Variants in PYGM observed in about 807,000 individuals in gnomAD.
PYGM encodes glycogen phosphorylase, muscle form.
In PYGM, 81 loss-of-function variants were observed where a neutral mutation model predicts 99.3. That is an observed-to-expected ratio of 0.82 (90% CI 0.68 to 0.98). The LOEUF is 0.98. Ranked by LOEUF, PYGM falls within the 50% of genes least tolerant of loss-of-function variation. The probability of loss-of-function intolerance (pLI) is 0.00; values close to 1 mark genes in which losing one functional copy is unlikely to be tolerated. For synonymous variants in PYGM, 436 were observed against 451.5 expected, an observed-to-expected ratio of 0.97 and a Z score of 0.44; for missense variants, 1,030 against 1,158.1, an observed-to-expected ratio of 0.89 and a Z score of 1.61.
Position 64,754,889 on chromosome 11 carries a change from G to C in PYGM, c.856-53C>G. The C allele has an allele frequency of 6.2e-7, 1 of 1,605,752 alleles. No homozygotes were observed. The highest frequency in any genetic ancestry group is 8.5e-7 in the Non-Finnish European group (1 of 1,177,514). ...CAGGGCGGTGGGGGCATGGCCTAAA[G>C]CTGCGGTGGGTGTGGCCAGGAGGGA... On this transcript the variant is annotated intron_variant, in intron 7 of 19. Coordinates refer to ENST00000164139, the MANE Select transcript of PYGM (RefSeq NM_005609.4). The surrounding 1 kb of genome is among the most constrained non-coding windows in gnomAD (Gnocchi z 5.5).
chr11:64,753,393 C>A, intron 11 of PYGM, 126 bp downstream of exon 11: 2 of 1,370,912 alleles, frequency 1.5e-6, no homozygotes, highest in Non-Finnish European at 2.0e-6. Context: ...AAGAATGACG[C>A]CACCTGTGAA....
At position 64,758,717 on chromosome 11, in the gene PYGM, A is replaced by G. The variant is rs1006315445; in HGVS notation, c.244-13T>C. 5 of 1,580,926 alleles carry G rather than the reference A, an allele frequency of 3.2e-6. No individual in the cohort carries two copies. The African/African-American group carries it at 4.1e-5, about 13-fold the overall frequency. On this transcript the variant is annotated splice_polypyrimidine_tract_variant and intron_variant, in intron 1 of 19. Coordinates refer to ENST00000164139, the MANE Select transcript of PYGM (RefSeq NM_005609.4). ...GGTAGTAGATCCTCTGCCCAGAGAG[A>G]CGGATGGGCAGGGAATGGGGTCAGG...
chr11:64,754,204 A>T lies in PYGM; in HGVS notation c.1092+49T>A, dbSNP rs766719968. On this transcript the variant is annotated intron_variant, in intron 9 of 19. Coordinates refer to ENST00000164139, the MANE Select transcript of PYGM (RefSeq NM_005609.4). This position sits in a 1 kb window ranked among gnomAD's most constrained non-coding sequence, Gnocchi z 5.5. Reference sequence around the variant, plus strand: ...CCCACGCTCCCAAACTGGGAAGGGAACCCCGAGGCAGAGAGCATCAGATGG... The same window carrying T: ...CCCACGCTCCCAAACTGGGAAGGGATCCCCGAGGCAGAGAGCATCAGATGG... 6.3e-7 allele frequency: 1 copy of T among 1,586,228 alleles called. No homozygotes were observed. Among genetic ancestry groups the T allele is most frequent in the African/African-American group, 1.3e-5 (1 of 74,136 alleles).
upstream of PYGM, among the ~76,000 whole-genome samples, chr11:64,760,706 G>A (rs900488074): frequency 6.6e-6 from 1 of 152,236 alleles, no homozygotes; most frequent in Non-Finnish European, 1.5e-5. Context: ...CTGGTTTAAT[G>A]ACAGTAAGTT....
chr11:64,753,743 C>A, intron 10 of PYGM, 61 bp from the exon 11 acceptor site: 1 of 1,546,280 alleles, frequency 6.5e-7, no homozygotes. Context: ...CAGTCCCCAG[C>A]CCCACACCCC....
At chr11:64,758,985 A>C (rs2058414707) in intron 1 of PYGM, among the ~76,000 whole-genome samples, 1 of 152,248 alleles carries the variant, frequency 6.6e-6, no homozygotes, top group African/African-American at 2.4e-5. Context: ...TACTCGGGAG[A>C]ATGGGCACCC....
In PYGM at chr11:64,758,328, G is replaced by T; in HGVS notation, c.446C>A (p.Ala149Glu). Residue 149 changes from alanine (A) to glutamate (E), a missense_variant, in exon 4 of 20, where the codon GCA becomes GAA. Coordinates refer to ENST00000164139, the MANE Select transcript of PYGM (RefSeq NM_005609.4). Reference sequence around the variant, plus strand: ...GCCATAGGCGGCCAGGCCCAGTGTTGCCATGGAGTCAAGAAAGCAGGCTGG... The same window carrying T: ...GCCATAGGCGGCCAGGCCCAGTGTTTCCATGGAGTCAAGAAAGCAGGCTGG... ...RLAACFLDSM[A>E]TLGLAAYGYG... The T allele has an allele frequency of 6.2e-7, 1 of 1,613,962 alleles. No individual in the cohort carries two copies.
rs149597150 is a variant in PYGM at position 64,757,863 on chromosome 11, C to A, written c.576G>T (p.Lys192Asn). 31 of 1,614,078 alleles carry A rather than the reference C, an allele frequency of 1.9e-5. No homozygotes were observed. Among genetic ancestry groups the A allele is most frequent in the Non-Finnish European group, 2.5e-5 (30 of 1,180,052 alleles). The change falls in exon 5 of 20, where the codon AAG (lysine) becomes AAT (asparagine). Residue 192 changes from lysine (K) to asparagine (N), a missense_variant. Coordinates refer to ENST00000164139, the MANE Select transcript of PYGM (RefSeq NM_005609.4). ...DWLRYGNPWE[K>N]ARPEFTLPVH... ...CAGGTAGCGTGAACTCGGGCCGGGC[C>A]TTCTCCCAGGGGTTGCCGTAGCGAA...
Position 64,752,020 on chromosome 11 carries a change from T to C in PYGM, c.1672A>G (p.Ile558Val), listed in dbSNP as rs1204741662. Residue 558 changes from isoleucine (I) to valine (V), a missense_variant, in exon 14 of 20, where the codon ATC becomes GTC. Physicochemically the swap from Ile to Val is conservative, Grantham distance 29. Transcript: ENST00000164139. Reference sequence around the variant, plus strand: ...ATGTCGAAGAGTGAGTTGGGGTTGATGTGGACTTTGTATTCCCTCTCTAGG... The same window carrying C: ...ATGTCGAAGAGTGAGTTGGGGTTGACGTGGACTTTGTATTCCCTCTCTAGG... Reference protein sequence around the residue: ...AYLEREYKVHINPNSLFDIQV... With the variant: ...AYLEREYKVHVNPNSLFDIQV... 27 of 1,614,056 alleles carry C rather than the reference T, an allele frequency of 1.7e-5. No individual in the cohort carries two copies. Among genetic ancestry groups the C allele is most frequent in the Non-Finnish European group, 2.3e-5 (27 of 1,180,036 alleles).
At position 64,746,673 on chromosome 11, in the gene PYGM, C is replaced by G. The variant is rs147307168; in HGVS notation, c.2515G>C (p.Asp839His). 6.2e-7 allele frequency: 1 copy of G among 1,614,054 alleles called. No homozygotes were observed. Among genetic ancestry groups the G allele is most frequent in the South Asian group, 1.1e-5 (1 of 91,092 alleles). The change falls in exon 20 of 20, where the codon GAT becomes CAT. Residue 839 changes from aspartate to histidine, a missense_variant. Transcript: ENST00000164139. ...GGTCTGGAGGCTCAGATGGCCTCAT[C>G]CGGGGCTGGCAGGCGCTGGCGGGAA... ...EPSRQRLPAP[D>H]EAI
intron 13 of PYGM, 62 bp from the exon 14 acceptor site, chr11:64,752,133 C>T: frequency 6.2e-7 from 1 of 1,609,712 alleles, no homozygotes; most frequent in Non-Finnish European, 8.5e-7. Context: ...TCCTACAGTC[C>T]ACACTCCAGT....
Position 64,755,508 on chromosome 11 carries a change from A to G in PYGM, c.711T>C (p.Asn237=), listed in dbSNP as rs760476322. 3 of 1,614,082 alleles carry G rather than the reference A, an allele frequency of 1.9e-6. No individual in the cohort carries two copies. The South Asian group carries it at 3.3e-5, about 18-fold the overall frequency. The change falls in exon 6 of 20, where the codon AAT becomes AAC. Residue 237 remains asparagine, a synonymous_variant. Transcript: ENST00000164139. The surrounding 1 kb of genome is among the most constrained non-coding windows in gnomAD (Gnocchi z 4.1). The part of the protein sequence containing the change: ...YDTPVPGYRN[N]VVNTMRLWSA... ...ACCAGAGGCGCATGGTGTTGACAAC[A>G]TTGTTGCGATAGCCAGGCACGGGCG...
In PYGM at chr11:64,759,389, C is replaced by T. The variant is rs564489641; in HGVS notation, c.243+267G>A. On this transcript the variant is annotated intron_variant, in intron 1 of 19. Coordinates refer to ENST00000164139, the MANE Select transcript of PYGM (RefSeq NM_005609.4). ...CACCTGGGCCCAGCCAGGCCACAGG[C>T]GCCGTCCTGCCCACCAGCACCCACT... 3.2e-4 allele frequency among the ~76,000 whole-genome samples: 49 copies of T among 152,292 alleles called. No homozygotes were observed. The South Asian group carries it at 3.3e-3, about 10-fold the overall frequency.
In PYGM at chr11:64,750,478, G is replaced by A; in HGVS notation, c.2075C>T (p.Thr692Ile). 6.2e-7 allele frequency: 1 copy of A among 1,614,192 alleles called. No individual in the cohort carries two copies. Among genetic ancestry groups the A allele is most frequent in the South Asian group, 1.1e-5 (1 of 91,078 alleles). The change falls in exon 17 of 20, where the codon ACC (threonine) becomes ATC (isoleucine). Residue 692 changes from threonine (T) to isoleucine (I), a missense_variant. Coordinates refer to ENST00000164139, the MANE Select transcript of PYGM (RefSeq NM_005609.4). ...CATCTCCACATTGGCCCCGTCCATG[G>A]TGCCAATGGTCAGAGCCCCGTTGAG... ...FMLNGALTIG[T>I]MDGANVEMAE...
At chr11:64,747,386 C>G in intron 17 of PYGM, 28 bp from the exon 18 acceptor site, 2 of 1,613,960 alleles carry the variant, frequency 1.2e-6, no homozygotes, top group Non-Finnish European at 1.7e-6. Flanking sequence ...TGGTCAGCTC[C>G]CCGGAAAGGG....
chr11:64,747,294 T>C lies in PYGM; in HGVS notation c.2242A>G (p.Ser748Gly). 1.2e-6 allele frequency: 2 copies of C among 1,614,248 alleles called. No homozygotes were observed. Among genetic ancestry groups the C allele is most frequent in the Non-Finnish European group, 1.7e-6 (2 of 1,180,030 alleles). Reference protein sequence around the residue: ...ELRQVIEQLSSGFFSPKQPDL... With the variant: ...ELRQVIEQLSGGFFSPKQPDL... ...GGCTGTTTGGGGGAGAAGAAGCCAC[T>C]GCTCAGCTGCTCAATGACCTGCCGA... Residue 748 changes from serine (S) to glycine (G), a missense_variant, in exon 18 of 20, where the codon AGT becomes GGT. Ser to Gly is a moderately conservative substitution (Grantham distance 56). Transcript: ENST00000164139.
intron 17 of PYGM, 38 bp from the exon 18 acceptor site, chr11:64,747,396 G>T (rs963261371): frequency 1.2e-6 from 2 of 1,613,584 alleles, no homozygotes; most frequent in African/African-American, 2.7e-5. Context: ...CCCGGAAAGG[G>T]GTTCCTGGCT....
chr11:64,759,598 G>A (rs2058419276), intron 1 of PYGM, 58 bp downstream of exon 1: 28 of 1,604,310 alleles, frequency 1.7e-5, no homozygotes, highest in Non-Finnish European at 2.1e-5. Flanking sequence ...AGTCAAGATC[G>A]CCAGCTCCCT....
At chr11:64,757,600 C>T (rs777958442) in intron 5 of PYGM, among the ~76,000 whole-genome samples, 179 bp downstream of exon 5, 7 of 152,126 alleles carry the variant, frequency 4.6e-5, no homozygotes, top group Admixed American at 1.3e-4. Context: ...GGCTGGCTCC[C>T]CTGTGTCCCT....
Sources: gnomAD v4.1 joint callset for allele counts (sites outside exome capture counted in the v4.1 genomes callset) on GRCh38, gnomAD v4.1.1 for gene constraint, Gnocchi (gnomAD v3.1) non-coding constraint, MANE v1.5 for transcripts, NCBI Gene and HGNC (gene_info 2026-07-23, HGNC 2026-07-21) for gene names.